OTUB2: variants seen among roughly 807,000 people sequenced by gnomAD.
OTUB2 encodes the protein OTU deubiquitinase, ubiquitin aldehyde binding 2.
In OTUB2, 21 loss-of-function variants were observed where a neutral mutation model predicts 25.1. That is an observed-to-expected ratio of 0.84 (90% CI 0.59 to 1.21). OTUB2 has a LOEUF of 1.21. OTUB2 is among the 50% of genes most tolerant of loss of function. The probability of loss-of-function intolerance (pLI) is 0.00; values close to 1 mark genes in which losing one functional copy is unlikely to be tolerated. For synonymous variants in OTUB2, 122 were observed against 122.8 expected (o/e 0.99, Z 0.04); for missense variants, 283 against 298.0 (o/e 0.95, Z 0.37).
In OTUB2 at chr14:94,043,963, C is replaced by G. The variant is rs774163775; in HGVS notation, c.219-8C>G. The stretch of plus-strand genomic sequence containing the variant: ...TCCCTGTAAACACTCAGTCTTCCCC[C>G]TCTGTAGGTTCAAAGAACGCGTACT... On this transcript the variant is annotated splice_region_variant and splice_polypyrimidine_tract_variant and intron_variant, in intron 3 of 5. Coordinates refer to ENST00000203664, the MANE Select transcript of OTUB2 (RefSeq NM_023112.4). 6.2e-6 allele frequency: 10 copies of G among 1,613,508 alleles called. No homozygotes were observed. In the African/African-American group the frequency reaches 1.3e-4, roughly 22 times the overall value.
intron 3 of OTUB2, chr14:94,039,363 G>C: frequency 2.1e-6 from 1 of 472,178 alleles, no homozygotes; most frequent in Non-Finnish European, 3.8e-6. Flanking sequence ...CAGGGAGCAG[G>C]TACTTCGTGA....
intron 3 of OTUB2, 55 bp from the exon 4 acceptor site, chr14:94,043,916 A>G: frequency 6.5e-7 from 1 of 1,535,378 alleles, no homozygotes; most frequent in Non-Finnish European, 9.0e-7. Context: ...ACAGTTGCCA[A>G]TCACAGCACT....
At chr14:94,036,643 C>A (rs1404549500) in intron 1 of OTUB2, among the ~76,000 whole-genome samples, 2 of 152,190 alleles carry the variant, frequency 1.3e-5, no homozygotes, top group Non-Finnish European at 2.9e-5. Context: ...CCGCCAATTT[C>A]TTCTCTGGCC....
In OTUB2 at chr14:94,038,992, C is replaced by A. The variant is rs780075215; in HGVS notation, c.129C>A (p.Arg43=). 8 of 1,614,222 alleles carry A rather than the reference C, an allele frequency of 5.0e-6. No individual in the cohort carries two copies. In the South Asian group the frequency reaches 8.8e-5, roughly 18 times the overall value. Residue 43 remains arginine (R), a synonymous_variant, in exon 3 of 6, where the codon CGC becomes CGA. Transcript: ENST00000203664. The stretch of plus-strand genomic sequence containing the variant: ...TCAGCAAAAGGTTCACCGCCATCCG[C>A]AAGACCAAAGGGGATGGGAACTGCT... The part of the protein sequence containing the change: ...EELSKRFTAI[R]KTKGDGNCFY...
rs976332821 is a variant in OTUB2 at position 94,028,986 on chromosome 14, T to C, written c.3+2446T>C. On this transcript the variant is annotated intron_variant, in intron 1 of 5. Coordinates refer to ENST00000203664, the MANE Select transcript of OTUB2 (RefSeq NM_023112.4). ...GAAGCATGGTCAAGAATAGGGGATTTTGGCAAAGGTGAACAGCCTCTGAAG... is the reference window on the plus strand; with the variant it reads ...GAAGCATGGTCAAGAATAGGGGATTCTGGCAAAGGTGAACAGCCTCTGAAG... Among the ~76,000 whole-genome samples, 5 of 152,202 alleles carry C rather than the reference T, an allele frequency of 3.3e-5. No homozygotes were observed. In the East Asian group the frequency reaches 9.7e-4, roughly 29 times the overall value.
chr14:94,043,918 C>A, intron 3 of OTUB2, 53 bp from the exon 4 acceptor site: 1 of 1,538,340 alleles, frequency 6.5e-7, no homozygotes, highest in Non-Finnish European at 9.0e-7. Flanking sequence ...AGTTGCCAAT[C>A]ACAGCACTCT....
chr14:94,031,452 A>G (rs1326615861), intron 1 of OTUB2, among the ~76,000 whole-genome samples: 1 of 152,026 alleles, frequency 6.6e-6, no homozygotes, highest in African/African-American at 2.4e-5. Flanking sequence ...GGAAAACCAG[A>G]AGACAGTGGG....
At chr14:94,037,325 T>C in intron 1 of OTUB2, 55 bp from the exon 2 acceptor site, 1 of 1,319,118 alleles carries the variant, frequency 7.6e-7, no homozygotes, top group African/African-American at 1.5e-5. Context: ...GCTCGGGGAG[T>C]CCCGTCCGTT....
At chr14:94,038,149 C>G (rs1037770982) in intron 2 of OTUB2, among the ~76,000 whole-genome samples, 1 of 152,274 alleles carries the variant, frequency 6.6e-6, no homozygotes, top group Non-Finnish European at 1.5e-5. Context: ...GGCCTCATTA[C>G]TTATCCTCAG....
chr14:94,035,286 C>CTTTTTTTTTTTTTTTTTTTT (rs761154708), intron 1 of OTUB2, among the ~76,000 whole-genome samples: 5 of 104,036 alleles, frequency 4.8e-5, no homozygotes, highest in African/African-American at 7.5e-5. Flanking sequence ...TTTTTCTTTT[C>CTTTTTTTTTTTTTTTTTTTT]TTTTTTTTTT....
chr14:94,030,144 G>A (rs928368341), intron 1 of OTUB2, among the ~76,000 whole-genome samples: 8 of 152,312 alleles, frequency 5.3e-5, no homozygotes, highest in South Asian at 4.1e-4. Context: ...TAAGCAGCTT[G>A]TATTGGCTGC....
At chr14:94,036,997 A>C (rs1885066939) in intron 1 of OTUB2, among the ~76,000 whole-genome samples, 1 of 152,216 alleles carries the variant, frequency 6.6e-6, no homozygotes, top group Non-Finnish European at 1.5e-5. Context: ...TGGATGAGTA[A>C]AAGAATGAAT....
At position 94,035,658 on chromosome 14, in the gene OTUB2, C is replaced by G. The variant is rs560517313; in HGVS notation, c.4-1722C>G. Among the ~76,000 whole-genome samples the G allele has an allele frequency of 1.6e-3, 239 of 152,186 alleles. 1 individual carries two copies. The highest frequency in any genetic ancestry group is 3.0e-3 in the Non-Finnish European group (202 of 67,994). On this transcript the variant is annotated intron_variant, in intron 1 of 5. Transcript: ENST00000203664. ...TATCTTCTGGGAAGTTGCCCTGAAT[C>G]CCCCATGTCGGGGGGAGATCATGTT...
At chr14:94,030,055 T>G (rs1435512741) in intron 1 of OTUB2, among the ~76,000 whole-genome samples, 1 of 151,658 alleles carries the variant, frequency 6.6e-6, no homozygotes. Flanking sequence ...ACATGGGAGG[T>G]CGTTGTCAAA....
chr14:94,035,161 C>T (rs1284505930), intron 1 of OTUB2, among the ~76,000 whole-genome samples: 1 of 152,064 alleles, frequency 6.6e-6, no homozygotes, highest in Non-Finnish European at 1.5e-5. Flanking sequence ...AGGGTCGGTA[C>T]AGAGTGGAAG....
At chr14:94,035,274 T>C (rs1161716250) in intron 1 of OTUB2, among the ~76,000 whole-genome samples, 1 of 143,630 alleles carries the variant, frequency 7.0e-6, no homozygotes, top group African/African-American at 2.7e-5. Flanking sequence ...CCAGTTCTTT[T>C]TTTTTTCTTT....
At chr14:94,045,168 G>A (rs889920275) in intron 5 of OTUB2, among the ~76,000 whole-genome samples, 1 of 152,206 alleles carries the variant, frequency 6.6e-6, no homozygotes, top group Non-Finnish European at 1.5e-5. Context: ...AAAGTAAGAA[G>A]TACAGCCCCC....
In OTUB2 at chr14:94,045,937, T is replaced by C. The variant is rs1885268030; in HGVS notation, c.*15T>C. Reference sequence around the variant, plus strand: ...ATAAACATTGATTAATTTTAGGCCATGCAGTGGAACCTGTCACCTAATGGG... The same window carrying C: ...ATAAACATTGATTAATTTTAGGCCACGCAGTGGAACCTGTCACCTAATGGG... On this transcript the variant is annotated 3_prime_UTR_variant, in exon 6 of 6. Coordinates refer to ENST00000203664, the MANE Select transcript of OTUB2 (RefSeq NM_023112.4). The C allele has an allele frequency of 2.5e-6, 4 of 1,612,000 alleles. No individual in the cohort carries two copies. The highest frequency in any genetic ancestry group is 3.4e-6 in the Non-Finnish European group (4 of 1,178,116).
chr14:94,037,715 C>T (rs1201635407), intron 2 of OTUB2, among the ~76,000 whole-genome samples: 1 of 151,800 alleles, frequency 6.6e-6, no homozygotes, highest in Non-Finnish European at 1.5e-5. Context: ...TATTTACTCA[C>T]CAATACTTCA....
Sources: allele counts gnomAD v4.1 joint callset (sites outside exome capture counted in the v4.1 genomes callset), GRCh38; gene constraint gnomAD v4.1.1; transcripts MANE v1.5; gene names NCBI Gene and HGNC (gene_info 2026-07-23, HGNC 2026-07-21).